The following FBXL13 variants were observed in gnomAD, a reference collection of about 807,000 sequenced individuals.
FBXL13 encodes the protein F-box and leucine-rich repeat protein 13.
In FBXL13, 67 loss-of-function variants were observed where a neutral mutation model predicts 83.6. The ratio of observed to expected loss-of-function variants is 0.80; its 90% CI spans 0.66 to 0.98. FBXL13 has a LOEUF of 0.98. FBXL13 is among the 50% of genes least tolerant of loss of function. The pLI is 0.00. For missense variants in FBXL13, 822 were observed against 866.5 expected, an observed-to-expected ratio of 0.95 and a Z score of 0.64; for synonymous variants, 272 against 299.5, an observed-to-expected ratio of 0.91 and a Z score of 0.95.
At position 102,971,679 on chromosome 7, in the gene FBXL13, C is replaced by T. The variant is rs78413185; in HGVS notation, c.496-3562G>A. 7.8e-3 allele frequency among the ~76,000 whole-genome samples: 1,184 copies of T among 151,468 alleles called. 85 individuals are homozygous for T. In the East Asian group the frequency reaches 0.16, roughly 20 times the overall value. The stretch of plus-strand genomic sequence containing the variant: ...TACTTGAGAGGCTGAGGCAAGATTA[C>T]CTGAGCCCAAGAATTGAAGGCCAGC... On this transcript the variant is annotated intron_variant, in intron 6 of 19. Transcript: ENST00000313221.
intron 11 of FBXL13, among the ~76,000 whole-genome samples, chr7:102,898,141 C>T (rs1444042179): frequency 6.6e-6 from 1 of 151,992 alleles, no homozygotes; most frequent in Non-Finnish European, 1.5e-5. Context: ...ACAAACACAC[C>T]TGACAACCCA....
At chr7:102,957,585 G>C (rs1824490290) in intron 8 of FBXL13, among the ~76,000 whole-genome samples, 1 of 152,076 alleles carries the variant, frequency 6.6e-6, no homozygotes, top group South Asian at 2.1e-4. Context: ...ACTGCCATCA[G>C]AGTGAATAGG....
At chr7:103,074,744 C>A, upstream of FBXL13, 1 of 1,289,848 alleles carries the variant, frequency 7.8e-7, no homozygotes, top group Non-Finnish European at 1.0e-6. Flanking sequence ...TCTTCAGCCT[C>A]GGGTTGGCAT....
chr7:102,826,755 A>ATATATATATATATGTG (rs1799765285), intron 18 of FBXL13, among the ~76,000 whole-genome samples: 1 of 114,734 alleles, frequency 8.7e-6, no homozygotes, highest in Non-Finnish European at 1.8e-5. Flanking sequence ...ATATATATAT[A>ATATATATATATATGTG]TATATATATA....
intron 7 of FBXL13, among the ~76,000 whole-genome samples, chr7:102,966,207 A>G (rs2898638): frequency 0.97 from 147,935 of 152,238 alleles, 72,034 homozygotes; most frequent in East Asian, 1. Flanking sequence ...GGTTTAATGC[A>G]GTGATTCTCG....
chr7:102,899,497 G>A (rs534530842), intron 11 of FBXL13, among the ~76,000 whole-genome samples: 17 of 152,272 alleles, frequency 1.1e-4, no homozygotes, highest in South Asian at 6.2e-4. Flanking sequence ...CCACAAAGTG[G>A]CCTAGACCTA....
chr7:102,999,964 CT>C (rs1452628290), intron 6 of FBXL13, among the ~76,000 whole-genome samples: 2 of 151,812 alleles, frequency 1.3e-5, no homozygotes, highest in African/African-American at 4.8e-5. Context: ...TTTCCAGTTT[CT>C]TGAGGTGGAT....
At chr7:102,852,714 A>C (rs1466021113) in intron 17 of FBXL13, among the ~76,000 whole-genome samples, 2 of 152,210 alleles carry the variant, frequency 1.3e-5, no homozygotes, top group Non-Finnish European at 2.9e-5. Flanking sequence ...ATGCAGTGAA[A>C]AGGGAACACT....
chr7:102,909,360 G>A (rs191766277), intron 11 of FBXL13, among the ~76,000 whole-genome samples: 5 of 152,140 alleles, frequency 3.3e-5, no homozygotes, highest in Admixed American at 6.5e-5. Context: ...CTGGAATCGC[G>A]GACCCCAAGA....
chr7:103,024,821 GTATATATATGTGTA>G (rs1355204391), intron 6 of FBXL13, among the ~76,000 whole-genome samples: 1 of 119,782 alleles, frequency 8.3e-6, no homozygotes, highest in East Asian at 2.5e-4. Flanking sequence ...ACATATATAT[GTATATATATGTGTA>G]TATATATATA....
chr7:103,017,107 G>A (rs909288929), intron 6 of FBXL13, among the ~76,000 whole-genome samples: 1 of 152,114 alleles, frequency 6.6e-6, no homozygotes, highest in African/African-American at 2.4e-5. Context: ...CACACGGCTG[G>A]GTACCCCTCT....
intron 6 of FBXL13, among the ~76,000 whole-genome samples, chr7:102,983,876 C>T (rs1272255933): frequency 6.6e-6 from 1 of 152,166 alleles, no homozygotes; most frequent in Admixed American, 6.5e-5. Context: ...AGATAAGACT[C>T]TCCCTCAGGG....
At chr7:103,019,059 T>C (rs957584215) in intron 6 of FBXL13, among the ~76,000 whole-genome samples, 1 of 152,076 alleles carries the variant, frequency 6.6e-6, no homozygotes, top group African/African-American at 2.4e-5. Context: ...CCAAAATTGA[T>C]CACATAGTTG....
chr7:102,998,149 T>G (rs11983809), intron 6 of FBXL13, among the ~76,000 whole-genome samples: 1,676 of 152,372 alleles, frequency 0.011, 35 homozygotes, highest in African/African-American at 0.039. Flanking sequence ...ATTCGTGATG[T>G]TGAACATGTT....
At chr7:102,893,279 C>T (rs1376738332) in intron 11 of FBXL13, among the ~76,000 whole-genome samples, 1 of 152,202 alleles carries the variant, frequency 6.6e-6, no homozygotes, top group East Asian at 1.9e-4. Context: ...TCCAATCTTG[C>T]TCCTTTTTTG....
intron 11 of FBXL13, among the ~76,000 whole-genome samples, chr7:102,903,939 C>CTTTTTTTTTT (rs1166655004): frequency 0.023 from 995 of 43,210 alleles, 2 homozygotes; most frequent in Non-Finnish European, 0.033. Flanking sequence ...CTTTTCTTTT[C>CTTTTTTTTTT]TTTTTTTTTT....
intron 8 of FBXL13, chr7:102,934,630 A>C: frequency 6.2e-7 from 1 of 1,608,834 alleles, no homozygotes; most frequent in Non-Finnish European, 8.5e-7. Flanking sequence ...AGGTGGACTC[A>C]ACTTTTTGCC....
At chr7:102,929,489 C>G (rs1205274806) in intron 9 of FBXL13, among the ~76,000 whole-genome samples, 1 of 151,746 alleles carries the variant, frequency 6.6e-6, no homozygotes, top group Non-Finnish European at 1.5e-5. Flanking sequence ...TGGTGAAACC[C>G]CATCTCTACA....
chr7:103,063,192 T>C (rs1798085649), intron 1 of FBXL13, among the ~76,000 whole-genome samples: 1 of 152,342 alleles, frequency 6.6e-6, no homozygotes, highest in East Asian at 1.9e-4. Flanking sequence ...TGGCCTTCTA[T>C]ATCCATGGGT....
Sources: gnomAD v4.1 joint callset for allele counts (sites outside exome capture counted in the v4.1 genomes callset) on GRCh38, gnomAD v4.1.1 for gene constraint, MANE v1.5 for transcripts, NCBI Gene and HGNC (gene_info 2026-07-23, HGNC 2026-07-21) for gene names.